Variants in MPDZ observed in about 807,000 individuals in gnomAD.
MPDZ encodes the protein multiple PDZ domain crumbs cell polarity complex component, also known as multiple PDZ domain protein.
In MPDZ, 234 loss-of-function variants were observed where a neutral mutation model predicts 239.1. The observed-to-expected ratio is 0.98, with a 90% CI of 0.88 to 1.09. The LOEUF is 1.09. Among genes scored for constraint, MPDZ ranks in the 50% least tolerant of loss-of-function variants. The pLI, the probability that MPDZ is intolerant of heterozygous loss-of-function variation, is 0.00. For synonymous variants in MPDZ, 1,048 were observed against 881.3 expected (o/e 1.19, Z -3.35); for missense variants, 3,175 against 2,510.0 (o/e 1.26, Z -5.66).
chr9:13,142,805 T>C (rs1040248910), intron 27 of MPDZ, among the ~76,000 whole-genome samples: 1 of 152,136 alleles, frequency 6.6e-6, no homozygotes, highest in African/African-American at 2.4e-5. Context: ...TGAATATTCA[T>C]AAAGTGTTTC....
At chr9:13,188,315 C>T (rs559529867) in intron 17 of MPDZ, among the ~76,000 whole-genome samples, 5 of 152,092 alleles carry the variant, frequency 3.3e-5, no homozygotes, top group African/African-American at 9.6e-5. Context: ...GTAAGGAGTT[C>T]GAGACCAGCC....
chr9:13,179,316 T>C (rs1461492604), intron 19 of MPDZ, among the ~76,000 whole-genome samples: 1 of 152,162 alleles, frequency 6.6e-6, no homozygotes, highest in Admixed American at 6.5e-5. Context: ...TATTGCTAAA[T>C]TGATTATAAT....
At chr9:13,167,622 T>G (rs1050301729) in intron 22 of MPDZ, among the ~76,000 whole-genome samples, 4 of 152,138 alleles carry the variant, frequency 2.6e-5, no homozygotes, top group African/African-American at 9.6e-5. Context: ...TCTTATTTTA[T>G]GATGTTATCC....
intron 1 of MPDZ, among the ~76,000 whole-genome samples, chr9:13,251,411 G>T (rs937337163): frequency 2.0e-5 from 3 of 152,100 alleles, no homozygotes; most frequent in Non-Finnish European, 4.4e-5. Flanking sequence ...ACTGGATACA[G>T]ATCTGCATTG....
rs756797882 is a variant in MPDZ, at chr9:13,176,222, T to C, written c.2845A>G (p.Thr949Ala). ...AAATGAGATTCAGTCCACACTATTG[T>C]GTTTTCACATTCATATTGTTGTTCA... is the stretch of plus-strand genomic sequence containing the variant. ...AIEQQYECEN[T>A]IVWTESHLPS... The change falls in exon 20 of 47, where the codon ACA becomes GCA. Residue 949 changes from threonine to alanine, a missense_variant. Thr to Ala is a moderately conservative substitution (Grantham distance 58). Transcript: ENST00000319217. 3 of 1,604,108 alleles carry C rather than the reference T, an allele frequency of 1.9e-6. No homozygotes were observed. The highest frequency in any genetic ancestry group is 2.6e-6 in the Non-Finnish European group (3 of 1,174,472).
chr9:13,111,617 T>C (rs1003146947), intron 43 of MPDZ, among the ~76,000 whole-genome samples: 3 of 152,216 alleles, frequency 2.0e-5, no homozygotes. Flanking sequence ...ATATTAAACT[T>C]CTGCAAAATT....
Position 13,158,094 on chromosome 9 carries a change from G to T in MPDZ, c.3376C>A (p.Pro1126Thr). 6.2e-7 allele frequency: 1 copy of T among 1,612,436 alleles called. No individual in the cohort carries two copies. The highest frequency in any genetic ancestry group is 8.5e-7 in the Non-Finnish European group (1 of 1,179,024). ...TCACCCTCTCCCTCTTCTCGCTCTG[G>T]TAATTCTGGAATGTCTCTGGTTAAA... ...SYTGRDIPEL[P>T]EREEGEGEES... Residue 1126 changes from proline (P) to threonine (T), a missense_variant, in exon 24 of 47, where the codon CCA becomes ACA. Pro to Thr is a conservative substitution (Grantham distance 38). Transcript: ENST00000319217.
chr9:13,208,749 C>A (rs1417834450), intron 10 of MPDZ, among the ~76,000 whole-genome samples: 1 of 151,192 alleles, frequency 6.6e-6, no homozygotes, highest in Non-Finnish European at 1.5e-5. Context: ...GTTATTTTTA[C>A]TAGAGGGAAT....
At chr9:13,212,809 A>G (rs1957792013) in intron 10 of MPDZ, among the ~76,000 whole-genome samples, 3 of 150,924 alleles carry the variant, frequency 2.0e-5, no homozygotes, top group Non-Finnish European at 3.0e-5. Context: ...AAAAAAAAAA[A>G]AAAAAGAAGA....
In MPDZ at chr9:13,247,942, G is replaced by A. The variant is rs542863352; in HGVS notation, c.17-141C>T. 1.5e-5 allele frequency: 12 copies of A among 825,628 alleles called. No individual in the cohort carries two copies. In the South Asian group the frequency reaches 2.9e-4, roughly 20 times the overall value. The allele number at this position is 825,628 out of a possible 1,614,324, so 51.1% of individuals were successfully genotyped here. A position where few individuals can be genotyped will look rare whatever the true frequency, so the allele number is the denominator to read the frequency against. ...CTCTTTTAAATTGAATAAAAAAACA[G>A]TAGGCCGGACCCAGTGGCTCATGCC... On this transcript the variant is annotated intron_variant, in intron 2 of 46. Transcript: ENST00000319217.
chr9:13,119,529 G>C lies in MPDZ; in HGVS notation c.5352C>G (p.Thr1784=), dbSNP rs766814033. 11 of 1,612,558 alleles carry C rather than the reference G, an allele frequency of 6.8e-6. No homozygotes were observed. Among genetic ancestry groups the C allele is most frequent in the African/African-American group, 2.7e-5 (2 of 74,874 alleles). ...TTAGCAAAGCGGCAACCGCTTCTTGGGTGGCATTACGAACGTCTTCCCCAT... is the reference window on the plus strand; with the variant it reads ...TTAGCAAAGCGGCAACCGCTTCTTGCGTGGCATTACGAACGTCTTCCCCAT... ...MVNGEDVRNA[T]QEAVAALLKC... Residue 1784 remains threonine, a synonymous_variant, in exon 39 of 47, where the codon ACC becomes ACG. Coordinates refer to ENST00000319217, the MANE Select transcript of MPDZ (RefSeq NM_001378778.1).
chr9:13,196,135 T>G lies in MPDZ; in HGVS notation c.1642A>C (p.Asn548His), dbSNP rs368014087. 1 of 1,597,398 alleles carries G rather than the reference T, an allele frequency of 6.3e-7. No homozygotes were observed. The highest frequency in any genetic ancestry group is 8.5e-7 in the Non-Finnish European group (1 of 1,170,290). Residue 548 changes from asparagine (N) to histidine (H), a missense_variant, in exon 13 of 47, where the codon AAC becomes CAC. Coordinates refer to ENST00000319217, the MANE Select transcript of MPDZ (RefSeq NM_001378778.1). ...AGCTAACCTACCACTATTTCATAGT[T>G]AATTCCCATAATCCTTTGCCATTTT... Reference protein sequence around the residue: ...LTKWQRIMGINYEIVVAHVSK... With the variant: ...LTKWQRIMGIHYEIVVAHVSK...
At chr9:13,175,660 T>C (rs1389826305) in intron 21 of MPDZ, 92 bp downstream of exon 21, 2 of 1,314,834 alleles carry the variant, frequency 1.5e-6, no homozygotes, top group East Asian at 2.5e-5. Flanking sequence ...TTCTCTTATC[T>C]ACAGCATAAA....
At chr9:13,150,356 T>G (rs970636666) in intron 25 of MPDZ, among the ~76,000 whole-genome samples, 155 bp downstream of exon 25, 1 of 151,978 alleles carries the variant, frequency 6.6e-6, no homozygotes, top group South Asian at 2.1e-4. Flanking sequence ...GTAACTAGTA[T>G]GAAGATGACA....
intron 26 of MPDZ, among the ~76,000 whole-genome samples, chr9:13,144,202 T>C (rs1206214520): frequency 1.3e-5 from 2 of 152,012 alleles, no homozygotes; most frequent in African/African-American, 4.8e-5. Context: ...GGTAGAAACA[T>C]GGAGATTCAT....
intron 19 of MPDZ, among the ~76,000 whole-genome samples, chr9:13,177,448 T>C (rs1440522120): frequency 3.9e-5 from 6 of 152,134 alleles, no homozygotes; most frequent in African/African-American, 7.2e-5. Flanking sequence ...TTGCATAATA[T>C]ATACATATAA....
intron 3 of MPDZ, among the ~76,000 whole-genome samples, chr9:13,235,772 T>G (rs746700440): frequency 4.6e-5 from 7 of 152,200 alleles, no homozygotes; most frequent in Non-Finnish European, 4.4e-5. Context: ...AAAGCATATT[T>G]GTCTTAAAAT....
At chr9:13,207,466 C>T (rs538412079) in intron 10 of MPDZ, among the ~76,000 whole-genome samples, 1 of 152,324 alleles carries the variant, frequency 6.6e-6, no homozygotes, top group South Asian at 2.1e-4. Context: ...GTTCTCTCTT[C>T]AGCCATGGAG....
chr9:13,211,651 ATCTG>A (rs1185018976), intron 10 of MPDZ, among the ~76,000 whole-genome samples: 1 of 152,134 alleles, frequency 6.6e-6, no homozygotes, highest in Non-Finnish European at 1.5e-5. Flanking sequence ...GTATGTAATA[ATCTG>A]TCTGTAACAA....
Sources: allele counts gnomAD v4.1 joint callset (sites outside exome capture counted in the v4.1 genomes callset), GRCh38; gene constraint gnomAD v4.1.1; transcripts MANE v1.5; gene names NCBI Gene and HGNC (gene_info 2026-07-23, HGNC 2026-07-21).